ZBTB20: variants seen among roughly 807,000 people sequenced by gnomAD.
ZBTB20 encodes the protein zinc finger and BTB domain containing 20.
Under a neutral mutation model 56.9 loss-of-function variants are expected in ZBTB20, and 9 were observed. That is an observed-to-expected ratio of 0.16 (90% CI 0.10 to 0.28). The LOEUF (loss-of-function observed/expected upper bound fraction) is 0.28. Among genes scored for constraint, ZBTB20 ranks in the 10% least tolerant of loss-of-function variants. ZBTB20 has a pLI of 1.00. For synonymous variants in ZBTB20, 417 were observed against 420.7 expected, an observed-to-expected ratio of 0.99 and a Z score of 0.11; for missense variants, 655 against 1,003.0, an observed-to-expected ratio of 0.65 and a Z score of 4.69.
At chr3:114,359,083 CT>C (rs11285517) in intron 10 of ZBTB20, among the ~76,000 whole-genome samples, 149,586 of 151,888 alleles carry the variant, frequency 0.98, 73,672 homozygotes, top group East Asian at 1. Flanking sequence ...ACTCTGATTT[CT>C]TTTTTTTTGT....
Position 114,669,808 on chromosome 3 carries a change from T to G in ZBTB20, c.-295+23720A>C, listed in dbSNP as rs180706467. Among the ~76,000 whole-genome samples, 4 of 152,188 alleles carry G rather than the reference T, an allele frequency of 2.6e-5. No homozygotes were observed. In the East Asian group the frequency reaches 7.7e-4, roughly 29 times the overall value. ...GACAAATCAGGCTAAAGCTAAGAGT[T>G]GCAGAACCATTTCTGTATGAGTCAT... is the stretch of plus-strand genomic sequence containing the variant. On this transcript the variant is annotated intron_variant, in intron 6 of 11. Coordinates refer to ENST00000675478, the MANE Select transcript of ZBTB20 (RefSeq NM_001348800.3).
chr3:114,433,170 G>GT (rs1300440970), intron 7 of ZBTB20, among the ~76,000 whole-genome samples: 2 of 152,140 alleles, frequency 1.3e-5, no homozygotes, highest in Non-Finnish European at 2.9e-5. Context: ...CTTCTGCCCT[G>GT]TAAGAAGCCT....
intron 6 of ZBTB20, among the ~76,000 whole-genome samples, chr3:114,531,908 C>T (rs2047887441): frequency 1.3e-5 from 2 of 152,140 alleles, no homozygotes; most frequent in South Asian, 4.1e-4. Flanking sequence ...CCTCCGTTAG[C>T]CGAGAAAGCC....
chr3:114,508,098 A>G (rs2044861408), intron 6 of ZBTB20, among the ~76,000 whole-genome samples: 1 of 152,166 alleles, frequency 6.6e-6, no homozygotes, highest in South Asian at 2.1e-4. Flanking sequence ...AATTAAAGAA[A>G]AAGTTTTTTG....
intron 7 of ZBTB20, among the ~76,000 whole-genome samples, chr3:114,494,010 T>C (rs2043019545): frequency 6.6e-6 from 1 of 152,210 alleles, no homozygotes; most frequent in Admixed American, 6.5e-5. Flanking sequence ...TAGATGTTCT[T>C]ATAAAATAAA....
intron 7 of ZBTB20, among the ~76,000 whole-genome samples, chr3:114,389,940 T>C (rs6805426): frequency 0.97 from 144,558 of 148,582 alleles, 70,459 homozygotes; most frequent in South Asian, 1. Context: ...CACTTTTTCA[T>C]GGTGAGAACA....
intron 3 of ZBTB20, among the ~76,000 whole-genome samples, chr3:114,936,515 C>A (rs749771845): frequency 6.6e-6 from 1 of 151,780 alleles, no homozygotes; most frequent in Non-Finnish European, 1.5e-5. Flanking sequence ...TTCAAATACA[C>A]GGTCAAAAAT....
At chr3:114,639,962 T>C (rs1038781607) in intron 6 of ZBTB20, among the ~76,000 whole-genome samples, 10 of 152,136 alleles carry the variant, frequency 6.6e-5, no homozygotes, top group Non-Finnish European at 1.3e-4. Context: ...ACAGTCCTAA[T>C]ACTGTCAAAT....
intron 4 of ZBTB20, among the ~76,000 whole-genome samples, chr3:114,845,757 A>G (rs1266997640): frequency 6.6e-6 from 1 of 152,142 alleles, no homozygotes; most frequent in Non-Finnish European, 1.5e-5. Flanking sequence ...CCAACAACCA[A>G]TGTCAATTGT....
intron 6 of ZBTB20, among the ~76,000 whole-genome samples, chr3:114,659,123 C>T (rs1329679932): frequency 1.3e-5 from 2 of 152,162 alleles, no homozygotes; most frequent in East Asian, 3.9e-4. Context: ...AGACTATTCG[C>T]TTCAAGAACC....
At chr3:115,075,580 T>A (rs2082565353) in intron 1 of ZBTB20, among the ~76,000 whole-genome samples, 1 of 152,148 alleles carries the variant, frequency 6.6e-6, no homozygotes, top group South Asian at 2.1e-4. Context: ...CTTTTTGAGA[T>A]CCCGATTTCA....
chr3:114,721,057 A>G (rs914616924), intron 5 of ZBTB20, among the ~76,000 whole-genome samples: 1 of 152,168 alleles, frequency 6.6e-6, no homozygotes, highest in Non-Finnish European at 1.5e-5. Context: ...CAGAAAATTG[A>G]GATATGTATT....
At chr3:114,404,298 T>A (rs1421444752) in intron 7 of ZBTB20, among the ~76,000 whole-genome samples, 2 of 152,186 alleles carry the variant, frequency 1.3e-5, no homozygotes, top group African/African-American at 4.8e-5. Context: ...CCCATGCTCA[T>A]GAAAGCTTAT....
intron 2 of ZBTB20, among the ~76,000 whole-genome samples, chr3:115,062,224 A>G (rs573485536): frequency 2.6e-5 from 4 of 152,348 alleles, no homozygotes; most frequent in African/African-American, 4.8e-5. Flanking sequence ...TTGATGTTTG[A>G]GCAAGGCTGC....
intron 6 of ZBTB20, among the ~76,000 whole-genome samples, chr3:114,593,362 T>C (rs887621356): frequency 6.6e-6 from 1 of 151,140 alleles, no homozygotes; most frequent in Admixed American, 6.6e-5. Context: ...GAGGGAGAGA[T>C]TTTTTTGTTC....
intron 5 of ZBTB20, among the ~76,000 whole-genome samples, chr3:114,775,116 G>C (rs947333342): frequency 1.3e-5 from 2 of 151,958 alleles, no homozygotes; most frequent in African/African-American, 4.8e-5. Flanking sequence ...CACTCATGCA[G>C]AACAAAGCAT....
chr3:114,751,483 T>C lies in ZBTB20; in HGVS notation c.-343+49618A>G, dbSNP rs140849784. 4.0e-3 allele frequency among the ~76,000 whole-genome samples: 612 copies of C among 152,284 alleles called. 2 individuals are homozygous for C. The highest frequency in any genetic ancestry group is 0.014 in the African/African-American group (577 of 41,586). ...CAATAAAGATTCTTTAGTCACCTACTATGTGGCACCTGCTAGGATAGTTAT... is the reference window on the plus strand; with the variant it reads ...CAATAAAGATTCTTTAGTCACCTACCATGTGGCACCTGCTAGGATAGTTAT... On this transcript the variant is annotated intron_variant, in intron 5 of 11. Transcript: ENST00000675478.
At chr3:114,629,472 G>C (rs2058819309) in intron 6 of ZBTB20, among the ~76,000 whole-genome samples, 1 of 152,040 alleles carries the variant, frequency 6.6e-6, no homozygotes, top group Non-Finnish European at 1.5e-5. Flanking sequence ...AAAAGTCTCA[G>C]TAAAATCATG....
At chr3:114,976,210 A>G (rs1293619493) in intron 2 of ZBTB20, among the ~76,000 whole-genome samples, 1 of 152,230 alleles carries the variant, frequency 6.6e-6, no homozygotes, top group African/African-American at 2.4e-5. Flanking sequence ...ATAAAACAAG[A>G]TAATGACACT....
Sources: allele counts gnomAD v4.1 joint callset (sites outside exome capture counted in the v4.1 genomes callset), GRCh38; gene constraint gnomAD v4.1.1; transcripts MANE v1.5; gene names NCBI Gene and HGNC (gene_info 2026-07-23, HGNC 2026-07-21).